Variants in UQCRC1 observed in about 807,000 individuals in gnomAD.
UQCRC1 encodes ubiquinol-cytochrome c reductase core protein 1, also known as cytochrome b-c1 complex subunit 1, mitochondrial.
Under a neutral mutation model 58.0 loss-of-function variants are expected in UQCRC1, and 34 were observed. The observed-to-expected ratio is 0.59, with a 90% CI of 0.45 to 0.78. The LOEUF (loss-of-function observed/expected upper bound fraction) is 0.78. Ranked by LOEUF, UQCRC1 falls within the 30% of genes least tolerant of loss-of-function variation. UQCRC1 has a pLI of 0.00. For missense variants in UQCRC1, 610 were observed against 646.0 expected (o/e 0.94, Z 0.60); for synonymous variants, 276 against 248.8 (o/e 1.11, Z -1.03).
chr3:48,599,114 C>T lies in UQCRC1; in HGVS notation c.*14G>A. The T allele has an allele frequency of 6.2e-7, 1 of 1,611,398 alleles. No individual in the cohort carries two copies. The highest frequency in any genetic ancestry group is 8.5e-7 in the Non-Finnish European group (1 of 1,178,560). ...AACCCCGGCCCTGCCCTCTTGCTTACATAGGCTTCCCGCCTAGAAGCGCAG... is the reference window on the plus strand; with the variant it reads ...AACCCCGGCCCTGCCCTCTTGCTTATATAGGCTTCCCGCCTAGAAGCGCAG... On this transcript the variant is annotated 3_prime_UTR_variant, in exon 13 of 13. Transcript: ENST00000203407.
At chr3:48,602,531 T>G (rs574180688) in intron 6 of UQCRC1, among the ~76,000 whole-genome samples, 1 of 151,488 alleles carries the variant, frequency 6.6e-6, no homozygotes, top group Non-Finnish European at 1.5e-5. Flanking sequence ...TTGTTTTTTT[T>G]TTTTTTTTTG....
intron 2 of UQCRC1, 53 bp from the exon 3 acceptor site, chr3:48,605,909 T>TA (rs1282601291): frequency 6.4e-7 from 1 of 1,560,076 alleles, no homozygotes; most frequent in African/African-American, 1.4e-5. Context: ...CCCAGCCCCC[T>TA]ACTCACACCC....
At chr3:48,600,878 T>C in intron 8 of UQCRC1, 38 bp from the exon 9 acceptor site, 1 of 1,613,134 alleles carries the variant, frequency 6.2e-7, no homozygotes, top group East Asian at 2.2e-5. Context: ...CACCCTCTTG[T>C]CTTCAACGCA....
At chr3:48,603,739 G>T in intron 5 of UQCRC1, 96 bp from the exon 6 acceptor site, 1 of 1,155,680 alleles carries the variant, frequency 8.7e-7, no homozygotes, top group Non-Finnish European at 1.3e-6. Flanking sequence ...ACTAGGAGAG[G>T]CATGGTTTCT....
chr3:48,600,964 C>A lies in UQCRC1; in HGVS notation c.966+11G>T, dbSNP rs1181748468. Reference sequence around the variant, plus strand: ...CTGAAGGCGAGGTCCCATGCTCGCGCTGGCACTCACCACGCCACCACCATA... The same window carrying A: ...CTGAAGGCGAGGTCCCATGCTCGCGATGGCACTCACCACGCCACCACCATA... On this transcript the variant is annotated intron_variant, in intron 8 of 12. Coordinates refer to ENST00000203407, the MANE Select transcript of UQCRC1 (RefSeq NM_003365.3). 1.2e-6 allele frequency: 2 copies of A among 1,602,798 alleles called. No individual in the cohort carries two copies. The highest frequency in any genetic ancestry group is 1.3e-5 in the African/African-American group (1 of 74,888).
In UQCRC1 at chr3:48,599,666, G is replaced by A. The variant is rs778494847; in HGVS notation, c.1347C>T (p.Ile449=). The change falls in exon 12 of 13, where the codon ATC becomes ATT. Residue 449 remains isoleucine, a synonymous_variant. Transcript: ENST00000203407. Reference sequence around the variant, plus strand: ...CAGCCACTGCTGGGCACTGGTCATAGATGTACTTGGAGCAGATCTCACGTA... The same window carrying A: ...CAGCCACTGCTGGGCACTGGTCATAAATGTACTTGGAGCAGATCTCACGTA... ...SVVREICSKY[I]YDQCPAVAGY... 8 of 1,613,822 alleles carry A rather than the reference G, an allele frequency of 5.0e-6. No homozygotes were observed. In the East Asian group the frequency reaches 1.1e-4, roughly 22 times the overall value.
At position 48,609,543 on chromosome 3, in the gene UQCRC1, C is replaced by G. The variant is rs749181015; in HGVS notation, c.69+9G>C. The G allele has an allele frequency of 2.2e-5, 35 of 1,571,342 alleles. No homozygotes were observed. The highest frequency in any genetic ancestry group is 2.7e-5 in the Non-Finnish European group (32 of 1,164,594). ...GTCCCGAAGCCCCGCGCTCTCGCCA[C>G]CACCTCACCGAGCGGCGGGCGCGCA... is the stretch of plus-strand genomic sequence containing the variant. On this transcript the variant is annotated intron_variant, in intron 1 of 12. Transcript: ENST00000203407.
Position 48,601,390 on chromosome 3 carries a change from C to T in UQCRC1, c.784G>A (p.Val262Met). The T allele has an allele frequency of 3.1e-6, 5 of 1,614,192 alleles. No individual in the cohort carries two copies. The highest frequency in any genetic ancestry group is 4.2e-6 in the Non-Finnish European group (5 of 1,180,034). Reference protein sequence around the residue: ...GIPWTYAEDAVPTLTPCRFTG... With the variant: ...GIPWTYAEDAMPTLTPCRFTG... ...AAGCGGCATGGAGTAAGAGTGGGCA[C>T]AGCGTCCTCTGCATATGTCCATGGG... is the stretch of plus-strand genomic sequence containing the variant. Residue 262 changes from valine to methionine, a missense_variant, in exon 7 of 13, where the codon GTG (valine) becomes ATG (methionine). Transcript: ENST00000203407.
chr3:48,606,946 C>T (rs2046418543), intron 2 of UQCRC1, among the ~76,000 whole-genome samples: 1 of 151,910 alleles, frequency 6.6e-6, no homozygotes, highest in South Asian at 2.1e-4. Flanking sequence ...TCAACCTCTG[C>T]TTCCTGGGTT....
chr3:48,600,443 G>A, intron 10 of UQCRC1, 39 bp downstream of exon 10: 1 of 1,610,674 alleles, frequency 6.2e-7, no homozygotes. Flanking sequence ...TCGCTGGCAA[G>A]ATGTACTCTA....
At chr3:48,601,567 G>T in intron 6 of UQCRC1, 100 bp from the exon 7 acceptor site, 1 of 1,055,500 alleles carries the variant, frequency 9.5e-7, no homozygotes, top group Non-Finnish European at 1.4e-6. Context: ...CTGTCTTAGT[G>T]GGAGAAACCA....
At chr3:48,608,798 G>T (rs548634427) in intron 2 of UQCRC1, among the ~76,000 whole-genome samples, 1 of 152,282 alleles carries the variant, frequency 6.6e-6, no homozygotes, top group African/African-American at 2.4e-5. Context: ...ATGACCTTGG[G>T]CAGTGAGGCT....
intron 11 of UQCRC1, among the ~76,000 whole-genome samples, 173 bp from the exon 12 acceptor site, chr3:48,599,883 C>G (rs1470996515): frequency 6.6e-6 from 1 of 152,216 alleles, no homozygotes; most frequent in Non-Finnish European, 1.5e-5. Context: ...CCCCGCCCAT[C>G]TCCACAGCCA....
chr3:48,605,963 T>A (rs2046407457), intron 2 of UQCRC1, 107 bp from the exon 3 acceptor site: 4 of 1,110,234 alleles, frequency 3.6e-6, no homozygotes, highest in Non-Finnish European at 5.1e-6. Context: ...GACTTATGAA[T>A]CCTGGAGTCA....
At chr3:48,608,659 A>G (rs1028228645) in intron 2 of UQCRC1, among the ~76,000 whole-genome samples, 1 of 152,234 alleles carries the variant, frequency 6.6e-6, no homozygotes, top group African/African-American at 2.4e-5. Context: ...CTATTCATAT[A>G]TCTATCTGTG....
intron 12 of UQCRC1, 121 bp downstream of exon 12, chr3:48,599,514 G>T: frequency 3.6e-6 from 4 of 1,111,490 alleles, no homozygotes; most frequent in Non-Finnish European, 5.3e-6. Context: ...GGGGAGAGCT[G>T]CTTGGGGCCT....
intron 1 of UQCRC1, 28 bp from the exon 2 acceptor site, chr3:48,609,330 G>C (rs1253349719): frequency 2.5e-6 from 4 of 1,589,660 alleles, no homozygotes; most frequent in Non-Finnish European, 3.4e-6. Context: ...CGCGAGTGAG[G>C]ACTCGGTCAG....
At position 48,599,094 on chromosome 3, in the gene UQCRC1, C is replaced by T. The variant is rs778449748; in HGVS notation, c.*34G>A. Reference sequence around the variant, plus strand: ...GTGGTGGGGGGGGGACCACAAACCCCGGCCCTGCCCTCTTGCTTACATAGG... The same window carrying T: ...GTGGTGGGGGGGGGACCACAAACCCTGGCCCTGCCCTCTTGCTTACATAGG... On this transcript the variant is annotated 3_prime_UTR_variant, in exon 13 of 13. Transcript: ENST00000203407. 18 of 1,610,064 alleles carry T rather than the reference C, an allele frequency of 1.1e-5. No homozygotes were observed. In the East Asian group the frequency reaches 2.7e-4, roughly 24 times the overall value.
intron 3 of UQCRC1, among the ~76,000 whole-genome samples, chr3:48,605,105 T>C (rs918586817): frequency 6.6e-6 from 1 of 152,154 alleles, no homozygotes; most frequent in Non-Finnish European, 1.5e-5. Flanking sequence ...CCCTCCTTAT[T>C]GACAGCCATG....
Sources: gnomAD v4.1 joint callset for allele counts (sites outside exome capture counted in the v4.1 genomes callset) on GRCh38, gnomAD v4.1.1 for gene constraint, MANE v1.5 for transcripts, NCBI Gene and HGNC (gene_info 2026-07-23, HGNC 2026-07-21) for gene names.